The following SGK3 variants were observed in gnomAD, a reference collection of about 807,000 sequenced individuals.
The protein encoded by SGK3 is serine/threonine-protein kinase Sgk3.
A neutral mutation model predicts 68.5 loss-of-function variants in SGK3; 47 were observed. That is an observed-to-expected ratio of 0.69 (90% confidence interval 0.54 to 0.87). SGK3 has a LOEUF of 0.87. Ranked by LOEUF, SGK3 falls within the 40% of genes least tolerant of loss-of-function variation. The pLI is 0.00. For missense variants in SGK3, 479 were observed against 575.5 expected (o/e 0.83, Z 1.72); for synonymous variants, 181 against 189.1 (o/e 0.96, Z 0.35).
In SGK3 at chr8:66,749,210, A is replaced by T. The variant is rs144745989; in HGVS notation, c.-122+36377A>T. Among the ~76,000 whole-genome samples, 42 of 152,298 alleles carry T rather than the reference A, an allele frequency of 2.8e-4. No individual in the cohort carries two copies. The East Asian group carries it at 5.6e-3, about 20-fold the overall frequency. ...AAATGGGCAAAATTGGACTTGTTTC[A>T]TCTTATAGAAAAGTTATTTTTGGCT... On this transcript the variant is annotated intron_variant, in intron 1 of 16. Transcript: ENST00000521198.
At chr8:66,782,125 A>G (rs528441651) in intron 1 of SGK3, among the ~76,000 whole-genome samples, 2 of 152,346 alleles carry the variant, frequency 1.3e-5, no homozygotes, top group East Asian at 3.9e-4. Context: ...TACAGATTAT[A>G]TATACTCTTA....
At chr8:66,776,207 A>G (rs567210239) in intron 1 of SGK3, among the ~76,000 whole-genome samples, 2 of 152,294 alleles carry the variant, frequency 1.3e-5, no homozygotes, top group South Asian at 4.1e-4. Context: ...TAGGGGTGTT[A>G]CCTGATGTGA....
At chr8:66,831,232 T>G in intron 7 of SGK3, 22 bp from the exon 8 acceptor site, 2 of 1,613,018 alleles carry the variant, frequency 1.2e-6, no homozygotes, top group Non-Finnish European at 1.7e-6. Context: ...GGAGGCTAAT[T>G]CTTATTGTTA....
chr8:66,808,857 A>ATTATTTAT (rs548715835), intron 4 of SGK3, among the ~76,000 whole-genome samples: 28 of 150,446 alleles, frequency 1.9e-4, no homozygotes, highest in African/African-American at 5.2e-4. Context: ...GTTTGAAATA[A>ATTATTTAT]TTATTTATTT....
At chr8:66,770,564 G>C (rs1389654412) in intron 1 of SGK3, among the ~76,000 whole-genome samples, 1 of 152,126 alleles carries the variant, frequency 6.6e-6, no homozygotes, top group Non-Finnish European at 1.5e-5. Context: ...TCTAAGTAAG[G>C]TAAGACTCTT....
chr8:66,727,229 G>A (rs1353804654), intron 1 of SGK3, among the ~76,000 whole-genome samples: 1 of 152,100 alleles, frequency 6.6e-6, no homozygotes, highest in Non-Finnish European at 1.5e-5. Flanking sequence ...AGCCTCCGGA[G>A]TAGCTGGGAC....
chr8:66,821,678 A>T (rs1036913475), intron 5 of SGK3, among the ~76,000 whole-genome samples: 151 of 108,520 alleles, frequency 1.4e-3, no homozygotes, highest in Admixed American at 1.9e-3. Context: ...ACGCCCGGCT[A>T]TTTTTTTTTT....
chr8:66,734,209 CT>C (rs1805247100), intron 1 of SGK3, among the ~76,000 whole-genome samples: 1 of 131,202 alleles, frequency 7.6e-6, no homozygotes, highest in Admixed American at 7.6e-5. Context: ...TTTATTAATG[CT>C]TTTTTTTCTT....
chr8:66,772,800 G>T (rs1331531295), intron 1 of SGK3, among the ~76,000 whole-genome samples: 2 of 151,872 alleles, frequency 1.3e-5, no homozygotes, highest in African/African-American at 4.8e-5. Context: ...TTTTTGTAGA[G>T]ATGGGGTTTC....
Position 66,831,155 on chromosome 8 carries a change from C to A in SGK3, c.468-99C>A. 2.8e-6 allele frequency: 4 copies of A among 1,417,182 alleles called. No individual in the cohort carries two copies. The South Asian group carries it at 3.6e-5, about 13-fold the overall frequency. 87.8% of individuals were successfully genotyped at this position (1,417,182 alleles called of 1,614,324 possible). A position where few individuals can be genotyped will look rare whatever the true frequency, so the allele number is the denominator to read the frequency against. On this transcript the variant is annotated intron_variant, in intron 7 of 16. Coordinates refer to ENST00000521198, the MANE Select transcript of SGK3 (RefSeq NM_001033578.3). ...AGTTAATAGGCTGAAGTGTTTTGTG[C>A]CTAACATTTATTTTTTAAAGAGGGA...
In SGK3 at chr8:66,743,871, C is replaced by A. The variant is rs552327072; in HGVS notation, c.-122+31038C>A. On this transcript the variant is annotated intron_variant, in intron 1 of 16. Transcript: ENST00000521198. ...TAAGCCCTGTAGCAGCCTTGCCATA[C>A]AATTTTCCACAGTCAAATCTAGCAG... Among the ~76,000 whole-genome samples, 7 of 152,360 alleles carry A rather than the reference C, an allele frequency of 4.6e-5. No homozygotes were observed. In the South Asian group the frequency reaches 1.5e-3, roughly 32 times the overall value.
chr8:66,851,550 A>G (rs555170436), intron 16 of SGK3, among the ~76,000 whole-genome samples: 34 of 151,976 alleles, frequency 2.2e-4, no homozygotes, highest in Admixed American at 1.1e-3. Flanking sequence ...AAAAACAGGT[A>G]TAGACAAACA....
At chr8:66,854,439 G>A (rs1379464810) in intron 16 of SGK3, among the ~76,000 whole-genome samples, 1 of 152,128 alleles carries the variant, frequency 6.6e-6, no homozygotes, top group Non-Finnish European at 1.5e-5. Context: ...GGTAGATGTG[G>A]TATTGAGCTG....
At chr8:66,850,745 G>T in intron 15 of SGK3, 86 bp from the exon 16 acceptor site, 1 of 1,303,438 alleles carries the variant, frequency 7.7e-7, no homozygotes, top group Non-Finnish European at 1.1e-6. Flanking sequence ...GGGCAAAATA[G>T]TAATAGTTTG....
At chr8:66,766,765 G>C (rs1289583223) in intron 1 of SGK3, among the ~76,000 whole-genome samples, 1 of 152,028 alleles carries the variant, frequency 6.6e-6, no homozygotes, top group Non-Finnish European at 1.5e-5. Flanking sequence ...TTGATAAATT[G>C]GCCCCTTTAC....
chr8:66,843,692 T>G, intron 14 of SGK3, 145 bp downstream of exon 14: 1 of 758,894 alleles, frequency 1.3e-6, no homozygotes, highest in Non-Finnish European at 2.0e-6. Flanking sequence ...AAACCCACAT[T>G]AGGAATAAGG....
intron 3 of SGK3, among the ~76,000 whole-genome samples, chr8:66,804,174 G>A (rs144746039): frequency 6.6e-5 from 10 of 152,120 alleles, no homozygotes; most frequent in South Asian, 2.1e-4. Flanking sequence ...ACGATACTAG[G>A]TATTTTATTG....
chr8:66,807,065 C>G (rs1438111963), intron 4 of SGK3, among the ~76,000 whole-genome samples: 1 of 151,992 alleles, frequency 6.6e-6, no homozygotes, highest in Admixed American at 6.6e-5. Context: ...AGTCCAATAG[C>G]CCTGGCATTA....
intron 5 of SGK3, among the ~76,000 whole-genome samples, chr8:66,821,061 C>A (rs1282868297): frequency 1.3e-5 from 2 of 152,028 alleles, no homozygotes; most frequent in East Asian, 3.9e-4. Flanking sequence ...TGGAAATAAT[C>A]AAATATTATT....
Sources: allele counts gnomAD v4.1 joint callset (sites outside exome capture counted in the v4.1 genomes callset), GRCh38; gene constraint gnomAD v4.1.1; transcripts MANE v1.5; gene names NCBI Gene and HGNC (gene_info 2026-07-23, HGNC 2026-07-21).